Variants in TNK2 observed in about 807,000 individuals in gnomAD.
TNK2 encodes tyrosine kinase non receptor 2.
Under a neutral mutation model 101.8 loss-of-function variants are expected in TNK2, and 83 were observed. That is an observed-to-expected ratio of 0.82 (90% confidence interval 0.68 to 0.98). The LOEUF is 0.98. Ranked by LOEUF, TNK2 falls within the 50% of genes least tolerant of loss-of-function variation. TNK2 has a pLI of 0.00. For synonymous variants in TNK2, 804 were observed against 633.0 expected, an observed-to-expected ratio of 1.27 and a Z score of -4.06; for missense variants, 1,665 against 1,483.2, an observed-to-expected ratio of 1.12 and a Z score of -2.01.
In TNK2 at chr3:195,878,778, C is replaced by T. The variant is rs572466746; in HGVS notation, c.1015-186G>A. ...TCCCTTCTTCCCAGGTCTGGAGCCT[C>T]GGAACAAGTGGATGTGGCAAGGGCT... On this transcript the variant is annotated intron_variant, in intron 7 of 15. Transcript: ENST00000672887. This position sits in a 1 kb window ranked among gnomAD's most constrained non-coding sequence, Gnocchi z 4.7. Among the ~76,000 whole-genome samples the T allele has an allele frequency of 1.3e-4, 20 of 152,304 alleles. No homozygotes were observed. The highest frequency in any genetic ancestry group is 5.8e-4 in the East Asian group (3 of 5,176).
At chr3:195,883,340 G>C in intron 4 of TNK2, 31 bp from the exon 5 acceptor site, 1 of 1,609,944 alleles carries the variant, frequency 6.2e-7, no homozygotes, top group Non-Finnish European at 8.5e-7. Flanking sequence ...AAGGACTCAG[G>C]ACTTGCCAGG....
rs745332898 is a variant in TNK2 at position 195,884,950 on chromosome 3, CCCAGGGGCGGG to C, written c.307_317del (p.Pro103GlyfsTer28). 1.4e-5 allele frequency: 22 copies of C among 1,613,798 alleles called. No individual in the cohort carries two copies. The highest frequency in any genetic ancestry group is 1.8e-5 in the Non-Finnish European group (21 of 1,179,920). On this transcript the variant is annotated frameshift_variant, in exon 4 of 16. Transcript: ENST00000672887. LOFTEE classifies it high-confidence loss of function. ...GCAGGGGCCCCTCCCCTGCTGGGCCCCCAGGGGCGGGCGAGGTCTTCCGGAAGGTGCTCTGA... is the reference window on the plus strand; with the variant it reads ...GCAGGGGCCCCTCCCCTGCTGGGCCCCGAGGTCTTCCGGAAGGTGCTCTGA...
At position 195,872,479 on chromosome 3, in the gene TNK2, C is replaced by T. The variant is rs1746117267; in HGVS notation, c.1257-9G>A. On this transcript the variant is annotated splice_polypyrimidine_tract_variant and intron_variant, in intron 9 of 15. Coordinates refer to ENST00000672887, the MANE Select transcript of TNK2 (RefSeq NM_001382273.1). ...ACCAGTAGTTCTCGGCCCTGCGCGA[C>T]AGAGATGGCACGGTGAACGCCAGGC... is the stretch of plus-strand genomic sequence containing the variant. 2 of 1,571,704 alleles carry T rather than the reference C, an allele frequency of 1.3e-6. No individual in the cohort carries two copies. Among genetic ancestry groups the T allele is most frequent in the African/African-American group, 2.7e-5 (2 of 74,180 alleles).
In TNK2 at chr3:195,885,481, T is replaced by C. The variant is rs1182786588; in HGVS notation, c.235-448A>G. On this transcript the variant is annotated intron_variant, in intron 3 of 15. Transcript: ENST00000672887. This position sits in a 1 kb window ranked among gnomAD's most constrained non-coding sequence, Gnocchi z 4.7. The stretch of plus-strand genomic sequence containing the variant: ...GTCCATTTTTAGCCCTGGCCCCTTC[T>C]CTGGCCTGACCATTTGGTGCTGTCT... The C allele has an allele frequency of 7.7e-7, 1 of 1,300,488 alleles. No homozygotes were observed. Among genetic ancestry groups the C allele is most frequent in the Non-Finnish European group, 1.0e-6 (1 of 996,424 alleles). 80.6% of individuals were successfully genotyped at this position (1,300,488 alleles called of 1,614,324 possible).
intron 9 of TNK2, among the ~76,000 whole-genome samples, chr3:195,875,383 C>A (rs1748413271): frequency 8.3e-6 from 1 of 120,022 alleles, no homozygotes; most frequent in South Asian, 2.9e-4. Context: ...GAAACTCCCC[C>A]TCGGGATGGC....
intron 11 of TNK2, chr3:195,869,764 C>G (rs78596878): frequency 1.6e-6 from 1 of 607,550 alleles, no homozygotes. Context: ...ATGGAGGAGG[C>G]CCCAGGCAGA....
intron 1 of TNK2, chr3:195,896,183 G>A (rs1009792354): frequency 4.4e-6 from 2 of 451,056 alleles, no homozygotes; most frequent in African/African-American, 4.0e-5. Context: ...TCCCAGGGCA[G>A]AGGCTCTTCC....
rs775944089 is a variant in TNK2 at position 195,866,985 on chromosome 3, G to C, written c.3065C>G (p.Pro1022Arg). Reference protein sequence around the residue: ...VEQLFGLGLRPRGECHKVLEM... With the variant: ...VEQLFGLGLRRRGECHKVLEM... ...CAGCACTTTGTGGCACTCCCCTCTG[G>C]GCCGCAGACCCAGCCCGAAGAGCTG... The change falls in exon 15 of 16, where the codon CCC becomes CGC. Residue 1022 changes from proline (P) to arginine (R), a missense_variant. Around this residue, in one of 3 missense-constraint regions of TNK2, gnomAD observed 1,136 missense variants for 894.9 expected, o/e 1.27. Coordinates refer to ENST00000672887, the MANE Select transcript of TNK2 (RefSeq NM_001382273.1). 2 of 1,613,178 alleles carry C rather than the reference G, an allele frequency of 1.2e-6. No individual in the cohort carries two copies. The highest frequency in any genetic ancestry group is 2.7e-5 in the African/African-American group (2 of 75,060).
At chr3:195,869,395 C>CA in intron 12 of TNK2, 102 bp downstream of exon 12, 8 of 1,149,900 alleles carry the variant, frequency 7.0e-6, no homozygotes, top group Middle Eastern at 2.8e-4. Flanking sequence ...ACCCACCCAC[C>CA]TCCCCTCCGG....
intron 10 of TNK2, among the ~76,000 whole-genome samples, chr3:195,870,992 G>C (rs9860487): frequency 2.2e-5 from 2 of 89,686 alleles, no homozygotes; most frequent in Non-Finnish European, 4.9e-5. Context: ...GTGTGTGGGG[G>C]CCCGCTGTGT....
At chr3:195,895,280 T>C (rs773818347) in intron 1 of TNK2, 4 of 1,565,608 alleles carry the variant, frequency 2.6e-6, no homozygotes, top group Non-Finnish European at 3.5e-6. Context: ...CAGGCGCTGG[T>C]AAGCAGATCT....
Position 195,889,035 on chromosome 3 carries a change from A to T in TNK2, c.-18-429T>A, listed in dbSNP as rs535873393. Among the ~76,000 whole-genome samples the T allele has an allele frequency of 4.6e-5, 7 of 152,294 alleles. No individual in the cohort carries two copies. The South Asian group carries it at 1.0e-3, about 23-fold the overall frequency. ...AATCTCTAGGGTGCAATGTGCCCCG[A>T]GACCCATCTATGGGCTCCTTAGATG... On this transcript the variant is annotated intron_variant, in intron 1 of 15. Coordinates refer to ENST00000672887, the MANE Select transcript of TNK2 (RefSeq NM_001382273.1).
At chr3:195,876,043 C>T (rs1219339934) in intron 9 of TNK2, among the ~76,000 whole-genome samples, 1 of 152,196 alleles carries the variant, frequency 6.6e-6, no homozygotes, top group Non-Finnish European at 1.5e-5. Context: ...AACCCGGATG[C>T]CTGGCTCCCA....
chr3:195,881,285 C>T (rs1752618658), intron 6 of TNK2, among the ~76,000 whole-genome samples: 1 of 8,390 alleles, frequency 1.2e-4, no homozygotes, highest in South Asian at 6.5e-3. Context: ...TAACACCACC[C>T]GCCAGCAATG....
Position 195,878,638 on chromosome 3 carries a change from G to T in TNK2, c.1015-46C>A. On this transcript the variant is annotated intron_variant, in intron 7 of 15. Transcript: ENST00000672887. The surrounding 1 kb of genome is among the most constrained non-coding windows in gnomAD (Gnocchi z 4.7). The stretch of plus-strand genomic sequence containing the variant: ...AGTTTGACGACAAACAGAGCGCCCA[G>T]CCCTTCACTTCCCGCCTTCCCTCCA... The T allele has an allele frequency of 6.3e-7, 1 of 1,592,670 alleles. No individual in the cohort carries two copies. Among genetic ancestry groups the T allele is most frequent in the Non-Finnish European group, 8.6e-7 (1 of 1,167,542 alleles).
chr3:195,886,747 C>T lies in TNK2; in HGVS notation c.234+230G>A, dbSNP rs1174075792. Among the ~76,000 whole-genome samples, 6 of 152,160 alleles carry T rather than the reference C, an allele frequency of 3.9e-5. No individual in the cohort carries two copies. Among genetic ancestry groups the T allele is most frequent in the Non-Finnish European group, 8.8e-5 (6 of 68,026 alleles). ...CCGAGAGGGGCTGTGAAGGCCTCAC[C>T]GCACACAGGCTGCTCACGTGTCCGT... is the stretch of plus-strand genomic sequence containing the variant. On this transcript the variant is annotated intron_variant, in intron 3 of 15. Transcript: ENST00000672887. This position sits in a 1 kb window ranked among gnomAD's most constrained non-coding sequence, Gnocchi z 4.2.
intron 4 of TNK2, chr3:195,883,644 C>T (rs889839252): frequency 4.4e-5 from 10 of 228,924 alleles, no homozygotes; most frequent in Middle Eastern, 1.7e-3. Context: ...GAGACAGTCT[C>T]GCTCTTGTCG....
chr3:195,882,624 G>C lies in TNK2; in HGVS notation c.610-296C>G, dbSNP rs908817388. ...TGTAATCCCAGCACTTTGGGAGGCCGAGGTGGGTGGATCATTTGAGGTCAG... is the reference window on the plus strand; with the variant it reads ...TGTAATCCCAGCACTTTGGGAGGCCCAGGTGGGTGGATCATTTGAGGTCAG... On this transcript the variant is annotated intron_variant, in intron 5 of 15. Coordinates refer to ENST00000672887, the MANE Select transcript of TNK2 (RefSeq NM_001382273.1). The surrounding 1 kb of genome is among the most constrained non-coding windows in gnomAD (Gnocchi z 4.2). The C allele has an allele frequency of 9.8e-7, 1 of 1,022,630 alleles. No homozygotes were observed. Among genetic ancestry groups the C allele is most frequent in the African/African-American group, 1.6e-5 (1 of 62,354 alleles). The allele number at this position is 1,022,630 out of a possible 1,614,324, so 63.3% of individuals were successfully genotyped here. A position where few individuals can be genotyped will look rare whatever the true frequency, so the allele number is the denominator to read the frequency against.
intron 9 of TNK2, among the ~76,000 whole-genome samples, chr3:195,877,705 C>G (rs1327253243): frequency 6.6e-6 from 1 of 152,036 alleles, no homozygotes; most frequent in Non-Finnish European, 1.5e-5. Flanking sequence ...CAGGGACTCC[C>G]GAGAGGCTGT....
Sources: gnomAD v4.1 joint callset for allele counts (sites outside exome capture counted in the v4.1 genomes callset) on GRCh38, gnomAD v4.1.1 for gene constraint, gnomAD v4.1.1 regional missense constraint, Gnocchi (gnomAD v3.1) non-coding constraint, MANE v1.5 for transcripts, NCBI Gene and HGNC (gene_info 2026-07-23, HGNC 2026-07-21) for gene names.